DPP6: variants seen among roughly 807,000 people sequenced by gnomAD.
DPP6 encodes the protein A-type potassium channel modulatory protein DPP6.
A neutral mutation model predicts 122.6 loss-of-function variants in DPP6; 69 were observed. The ratio of observed to expected loss-of-function variants is 0.56; its 90% confidence interval spans 0.46 to 0.69. The LOEUF is 0.69. Among genes scored for constraint, DPP6 ranks in the 30% least tolerant of loss-of-function variants. DPP6 has a pLI of 0.00. For synonymous variants in DPP6, 418 were observed against 433.1 expected (o/e 0.97, Z 0.43); for missense variants, 928 against 1,116.9 (o/e 0.83, Z 2.41).
the DPP6 span, among the ~76,000 whole-genome samples, chr7:153,870,665 C>T: frequency 3.5e-4 from 53 of 152,336 alleles, no homozygotes; most frequent in African/African-American, 1.2e-3. Context: ...AAGTCATTCT[C>T]CATCCAGCTC....
chr7:154,876,128 G>A, intron 20 of DPP6, 28 bp downstream of exon 20: 1 of 1,544,380 alleles, frequency 6.5e-7, no homozygotes, highest in South Asian at 1.2e-5. Context: ...AAGCAGGAGA[G>A]GCCGGGAGGG....
At chr7:154,419,157 A>G (rs1238429781) in intron 1 of DPP6, among the ~76,000 whole-genome samples, 1 of 152,246 alleles carries the variant, frequency 6.6e-6, no homozygotes, top group Non-Finnish European at 1.5e-5. Context: ...TTAGTATTAA[A>G]GGCAAAGCAA....
At chr7:154,640,604 C>T (rs900555265) in intron 6 of DPP6, among the ~76,000 whole-genome samples, 18 of 152,100 alleles carry the variant, frequency 1.2e-4, no homozygotes, top group Non-Finnish European at 2.1e-4. Flanking sequence ...GATCTCTGAG[C>T]GGTATCTCCG....
chr7:154,024,850 G>T (rs901915873), intron 1 of DPP6, among the ~76,000 whole-genome samples: 4 of 152,146 alleles, frequency 2.6e-5, no homozygotes, highest in African/African-American at 9.7e-5. Context: ...GATGCACCAG[G>T]CTGATATTTT....
chr7:154,712,969 C>T (rs1841278457), intron 7 of DPP6, among the ~76,000 whole-genome samples: 1 of 152,178 alleles, frequency 6.6e-6, no homozygotes, highest in African/African-American at 2.4e-5. Context: ...TCCCTTTTGC[C>T]TATGAGCCTG....
the DPP6 span, among the ~76,000 whole-genome samples, chr7:153,775,102 A>G: frequency 6.7e-6 from 1 of 148,356 alleles, no homozygotes; most frequent in Non-Finnish European, 1.5e-5. Flanking sequence ...ATTAAAAGAG[A>G]ACTAAAAACC....
At chr7:154,032,965 G>T (rs2907741) in intron 1 of DPP6, among the ~76,000 whole-genome samples, 2 of 148,814 alleles carry the variant, frequency 1.3e-5, no homozygotes, top group African/African-American at 4.9e-5. Flanking sequence ...GGCTGCCTTT[G>T]AAGGTGGCTT....
chr7:154,591,115 G>A (rs987480292), intron 5 of DPP6, among the ~76,000 whole-genome samples: 1 of 152,208 alleles, frequency 6.6e-6, no homozygotes, highest in Non-Finnish European at 1.5e-5. Context: ...TGAGGTTATA[G>A]ACCGGTGGTG....
chr7:154,754,738 A>C (rs1047909197), intron 8 of DPP6, among the ~76,000 whole-genome samples: 1 of 152,248 alleles, frequency 6.6e-6, no homozygotes, highest in African/African-American at 2.4e-5. Flanking sequence ...AATGCTCATC[A>C]ATGATAGACT....
chr7:154,112,584 G>T (rs975969725), intron 1 of DPP6, among the ~76,000 whole-genome samples: 1 of 151,940 alleles, frequency 6.6e-6, no homozygotes, highest in African/African-American at 2.4e-5. Context: ...GGCAGAGGTT[G>T]CAGTGAACTG....
At chr7:153,825,561 G>GTTTTC in the DPP6 span, among the ~76,000 whole-genome samples, 322 of 151,828 alleles carry the variant, frequency 2.1e-3, 2 homozygotes, top group Non-Finnish European at 3.0e-3. Flanking sequence ...CTTTTGTTTT[G>GTTTTC]TTTTCTTTTC....
chr7:154,322,115 C>T (rs1808026328), intron 1 of DPP6, among the ~76,000 whole-genome samples: 2 of 151,596 alleles, frequency 1.3e-5, no homozygotes, highest in Admixed American at 6.6e-5. Context: ...CCTCCTCAGC[C>T]CAGCCTGGAA....
intron 1 of DPP6, among the ~76,000 whole-genome samples, chr7:154,215,723 C>G (rs942895445): frequency 1.3e-5 from 2 of 151,998 alleles, no homozygotes; most frequent in African/African-American, 4.8e-5. Flanking sequence ...TAGGCTGGCC[C>G]AGAATCAACA....
chr7:154,387,558 C>T (rs938697149), intron 1 of DPP6, among the ~76,000 whole-genome samples: 3 of 152,164 alleles, frequency 2.0e-5, no homozygotes, highest in African/African-American at 7.2e-5. Flanking sequence ...TCCACCCAGA[C>T]TCTCATCTAT....
chr7:153,950,029 G>C (rs1221973122), intron 1 of DPP6, among the ~76,000 whole-genome samples: 8 of 152,118 alleles, frequency 5.3e-5, no homozygotes, highest in Admixed American at 2.6e-4. Flanking sequence ...GTATAAGAAA[G>C]AAAGGAAACA....
intron 6 of DPP6, among the ~76,000 whole-genome samples, chr7:154,638,520 G>A (rs1835870230): frequency 6.6e-6 from 1 of 152,150 alleles, no homozygotes; most frequent in Non-Finnish European, 1.5e-5. Context: ...GGGCCCCCCG[G>A]CTTCATTCTT....
intron 5 of DPP6, among the ~76,000 whole-genome samples, chr7:154,584,358 C>T (rs904028925): frequency 9.2e-5 from 14 of 152,238 alleles, no homozygotes; most frequent in Non-Finnish European, 1.8e-4. Flanking sequence ...GGAGTGGGCT[C>T]CCATACCCGT....
intron 1 of DPP6, among the ~76,000 whole-genome samples, chr7:153,933,920 C>G (rs1415263151): frequency 6.6e-6 from 1 of 152,190 alleles, no homozygotes; most frequent in African/African-American, 2.4e-5. Context: ...AATCATGTAT[C>G]GTGGATCGCG....
chr7:154,580,999 A>G lies in DPP6; in HGVS notation c.627+14083A>G, dbSNP rs182798396. Reference sequence around the variant, plus strand: ...CTAATGTGACCTCAGATCCAAATTTAGAAACAGCCTCTGTTCCCTCCGCTC... The same window carrying G: ...CTAATGTGACCTCAGATCCAAATTTGGAAACAGCCTCTGTTCCCTCCGCTC... On this transcript the variant is annotated intron_variant, in intron 5 of 25. Coordinates refer to ENST00000377770, the MANE Select transcript of DPP6 (RefSeq NM_130797.4). Among the ~76,000 whole-genome samples the G allele has an allele frequency of 1.9e-3, 291 of 152,328 alleles. 2 individuals are homozygous for G. The highest frequency in any genetic ancestry group is 6.8e-3 in the Middle Eastern group (2 of 294).
Sources: gnomAD v4.1 joint callset for allele counts (sites outside exome capture counted in the v4.1 genomes callset) on GRCh38, gnomAD v4.1.1 for gene constraint, MANE v1.5 for transcripts, NCBI Gene and HGNC (gene_info 2026-07-23, HGNC 2026-07-21) for gene names.